TENM4: variants seen among roughly 807,000 people sequenced by gnomAD.
TENM4 encodes the protein teneurin-4.
TENM4 carries 82 observed loss-of-function variants against 243.3 expected under a neutral mutation model. The observed-to-expected ratio is 0.34, with a 90% CI of 0.28 to 0.40. TENM4 has a LOEUF of 0.40. TENM4 is among the 10% of genes least tolerant of loss of function. The pLI is 1.00. For synonymous variants in TENM4, 1,412 were observed against 1,456.3 expected (o/e 0.97, Z 0.69); for missense variants, 3,138 against 3,673.3 (o/e 0.85, Z 3.77).
At chr11:78,871,780 G>C (rs990940423) in intron 9 of TENM4, among the ~76,000 whole-genome samples, 2 of 152,162 alleles carry the variant, frequency 1.3e-5, no homozygotes, top group Admixed American at 1.3e-4. Flanking sequence ...CCATCAAGCA[G>C]CCCTCCCTTT....
At chr11:78,668,888 G>C (rs748453900) in intron 32 of TENM4, 49 bp downstream of exon 32, 1 of 1,530,882 alleles carries the variant, frequency 6.5e-7, no homozygotes, top group Non-Finnish European at 8.8e-7. Flanking sequence ...TTGTTAGGTA[G>C]TAAGAGCACT....
chr11:79,287,861 A>C (rs888440421), intron 2 of TENM4, among the ~76,000 whole-genome samples: 8 of 152,246 alleles, frequency 5.3e-5, no homozygotes, highest in African/African-American at 1.9e-4. Context: ...ACACTGCATC[A>C]GGAAGCTGTG....
In TENM4 at chr11:79,371,480, C is replaced by T. The variant is rs186661963; in HGVS notation, c.-321+69029G>A. Among the ~76,000 whole-genome samples, 7 of 152,302 alleles carry T rather than the reference C, an allele frequency of 4.6e-5. No individual in the cohort carries two copies. In the East Asian group the frequency reaches 1.4e-3, roughly 29 times the overall value. On this transcript the variant is annotated intron_variant, in intron 1 of 33. Coordinates refer to ENST00000278550, the MANE Select transcript of TENM4 (RefSeq NM_001098816.3). ...GGGCCAAGACAAGATCCTAACAAGC[C>T]CTGAAACACAGTGCTCACCATTGGC...
chr11:78,965,696 C>T (rs1418568669), intron 6 of TENM4, among the ~76,000 whole-genome samples: 1 of 152,212 alleles, frequency 6.6e-6, no homozygotes, highest in Non-Finnish European at 1.5e-5. Flanking sequence ...TCTCTTCTTT[C>T]TCCTACGCAT....
At chr11:78,873,092 C>A (rs566075066) in intron 9 of TENM4, among the ~76,000 whole-genome samples, 1 of 152,232 alleles carries the variant, frequency 6.6e-6, no homozygotes, top group South Asian at 2.1e-4. Flanking sequence ...TCCTTTACAC[C>A]CTACAGCTTC....
intron 8 of TENM4, 72 bp downstream of exon 8, chr11:78,891,166 T>TCAGGG: frequency 7.1e-7 from 1 of 1,411,168 alleles, no homozygotes; most frequent in Middle Eastern, 1.9e-4. Context: ...GGGAAAGGTC[T>TCAGGG]CAGGGTCTGC....
At chr11:78,866,931 C>G (rs1467271213) in intron 9 of TENM4, among the ~76,000 whole-genome samples, 1 of 152,062 alleles carries the variant, frequency 6.6e-6, no homozygotes, top group South Asian at 2.1e-4. Context: ...GAAGTTCAAC[C>G]AGTAATGTCA....
intron 1 of TENM4, among the ~76,000 whole-genome samples, chr11:79,427,220 G>A (rs1008683998): frequency 3.9e-5 from 6 of 152,192 alleles, no homozygotes; most frequent in Non-Finnish European, 7.3e-5. Flanking sequence ...TCACGGATCA[G>A]CACATTGTCA....
At chr11:78,956,907 T>C (rs554994906) in intron 6 of TENM4, among the ~76,000 whole-genome samples, 1 of 152,346 alleles carries the variant, frequency 6.6e-6, no homozygotes, top group South Asian at 2.1e-4. Context: ...ATTTTCTTTT[T>C]TAAATCTGAA....
chr11:78,800,825 T>C (rs1167244114), intron 15 of TENM4, among the ~76,000 whole-genome samples: 1 of 151,832 alleles, frequency 6.6e-6, no homozygotes, highest in Non-Finnish European at 1.5e-5. Flanking sequence ...TGGAGCCAGA[T>C]GTGGTTTGAA....
intron 18 of TENM4, among the ~76,000 whole-genome samples, chr11:78,764,774 G>A (rs896382812): frequency 6.6e-6 from 1 of 152,210 alleles, no homozygotes; most frequent in Non-Finnish European, 1.5e-5. Flanking sequence ...TGGTGTAGTG[G>A]GGCAGACAGA....
At position 79,440,989 on chromosome 11, in the gene TENM4, G is replaced by GACAC. The variant is rs970446173; in HGVS notation, c.-805_-802dup. On this transcript the variant is annotated 5_prime_UTR_variant, in exon 1 of 34. Coordinates refer to ENST00000278550, the MANE Select transcript of TENM4 (RefSeq NM_001098816.3). The surrounding 1 kb of genome is among the most constrained non-coding windows in gnomAD (Gnocchi z 4.7). ...AGAAAGAGAGGGCGAGCGAGAGAGA[G>GACAC]ACACACACACACACGCACACGCACA... is the stretch of plus-strand genomic sequence containing the variant. 1 of 151,916 alleles carries GACAC rather than the reference G, an allele frequency of 6.6e-6. No individual in the cohort carries two copies. Among genetic ancestry groups the GACAC allele is most frequent in the Non-Finnish European group, 1.5e-5 (1 of 68,282 alleles). The allele number at this position is 151,916 out of a possible 1,614,324, so 9.4% of individuals were successfully genotyped here.
At chr11:79,287,673 A>G (rs1395778300) in intron 2 of TENM4, among the ~76,000 whole-genome samples, 1 of 152,212 alleles carries the variant, frequency 6.6e-6, no homozygotes, top group Non-Finnish European at 1.5e-5. Flanking sequence ...ACTGAGGACC[A>G]GAAAGGTCAA....
At chr11:79,341,516 G>T (rs1330776543) in intron 1 of TENM4, among the ~76,000 whole-genome samples, 1 of 152,194 alleles carries the variant, frequency 6.6e-6, no homozygotes, top group Non-Finnish European at 1.5e-5. Flanking sequence ...ACCCAAGAAA[G>T]TCATACAGGT....
chr11:79,003,621 G>A (rs1384994054), intron 6 of TENM4, among the ~76,000 whole-genome samples: 4 of 152,146 alleles, frequency 2.6e-5, no homozygotes, highest in Non-Finnish European at 5.9e-5. Flanking sequence ...GCTACCATGA[G>A]ACCTGCCTTA....
At position 78,787,054 on chromosome 11, in the gene TENM4, C is replaced by T; in HGVS notation, c.2209G>A (p.Gly737Ser). The T allele has an allele frequency of 6.4e-7, 1 of 1,550,636 alleles. No homozygotes were observed. The highest frequency in any genetic ancestry group is 8.7e-7 in the Non-Finnish European group (1 of 1,146,582). ...EICAADCGGH[G>S]VCVGGTCRCE... is the part of the protein sequence containing the mutation. ...CGGCAGGTGCCCCCTACGCACACGC[C>T]ATGGCCACCACAGTCGGCAGCACAG... Residue 737 changes from glycine (G) to serine (S), a missense_variant, in exon 16 of 34, where the codon GGC becomes AGC. Around this residue, in one of 2 missense-constraint regions of TENM4, gnomAD observed 2,467 missense variants for 3,059.1 expected, o/e 0.81. Transcript: ENST00000278550.
At chr11:78,997,049 G>A (rs577182791) in intron 6 of TENM4, among the ~76,000 whole-genome samples, 12 of 152,186 alleles carry the variant, frequency 7.9e-5, no homozygotes, top group Non-Finnish European at 1.3e-4. Context: ...TTGTTGGGGC[G>A]GGGGTAGGGT....
intron 6 of TENM4, among the ~76,000 whole-genome samples, chr11:78,978,859 G>A (rs1291313225): frequency 6.6e-6 from 1 of 152,030 alleles, no homozygotes; most frequent in Non-Finnish European, 1.5e-5. Context: ...ACAAAACAGG[G>A]TTTCTTGCTT....
intron 6 of TENM4, among the ~76,000 whole-genome samples, chr11:78,965,375 C>T (rs76334778): frequency 0.024 from 3,634 of 152,016 alleles, 66 homozygotes; most frequent in Admixed American, 0.039. Flanking sequence ...GTCTACCAGG[C>T]CACATGTATT....
Sources: allele counts gnomAD v4.1 joint callset (sites outside exome capture counted in the v4.1 genomes callset), GRCh38; gene constraint gnomAD v4.1.1; regional missense constraint gnomAD v4.1.1; non-coding constraint Gnocchi (gnomAD v3.1); transcripts MANE v1.5; gene names NCBI Gene and HGNC (gene_info 2026-07-23, HGNC 2026-07-21).